ABCG2: variants seen among roughly 807,000 people sequenced by gnomAD.
ABCG2 encodes ATP binding cassette subfamily G member 2 (JR blood group).
ABCG2 carries 80 observed loss-of-function variants against 73.5 expected under a neutral mutation model. The ratio of observed to expected loss-of-function variants is 1.09; its 90% confidence interval spans 0.91 to 1.31. The LOEUF (loss-of-function observed/expected upper bound fraction) is 1.31. Among genes scored for constraint, ABCG2 ranks in the 50% most tolerant of loss-of-function variants. The pLI is 0.00. For synonymous variants in ABCG2, 269 were observed against 282.4 expected (o/e 0.95, Z 0.48); for missense variants, 796 against 786.2 (o/e 1.01, Z -0.15).
At chr4:88,096,915 G>C (rs563531614) in intron 13 of ABCG2, among the ~76,000 whole-genome samples, 2 of 152,206 alleles carry the variant, frequency 1.3e-5, no homozygotes, top group South Asian at 2.1e-4. Flanking sequence ...ACTCTGTTCT[G>C]CTTCTTATGA....
At chr4:88,229,197 G>A (rs1730355206) in intron 1 of ABCG2, among the ~76,000 whole-genome samples, 1 of 152,208 alleles carries the variant, frequency 6.6e-6, no homozygotes, top group Admixed American at 6.5e-5. Flanking sequence ...CTTGAAGTCA[G>A]CGAGACCAAG....
At chr4:88,163,103 T>G (rs1375705808), upstream of ABCG2, among the ~76,000 whole-genome samples, 1 of 152,170 alleles carries the variant, frequency 6.6e-6, no homozygotes, top group Non-Finnish European at 1.5e-5. Flanking sequence ...ATATAACAGA[T>G]GTATTCAGTC....
chr4:88,124,344 C>T (rs1033596348), intron 5 of ABCG2, among the ~76,000 whole-genome samples: 3 of 152,076 alleles, frequency 2.0e-5, no homozygotes, highest in African/African-American at 7.2e-5. Context: ...GGGCTAAATG[C>T]CCCAGTTAAA....
rs966440045 is a variant in ABCG2, at chr4:88,131,740, A to G, written c.378+63T>C. On this transcript the variant is annotated intron_variant, in intron 4 of 15. Transcript: ENST00000237612. ...TCAACTGGAAGCACATTGAACTATC[A>G]GCCAAAGCACTTACCCATATAGAAA... is the stretch of plus-strand genomic sequence containing the variant. 3.4e-5 allele frequency: 41 copies of G among 1,197,164 alleles called. No individual in the cohort carries two copies. The Admixed American group carries it at 5.4e-4, about 16-fold the overall frequency. The allele number at this position is 1,197,164 out of a possible 1,614,324, so 74.2% of individuals were successfully genotyped here.
chr4:88,207,759 A>G (rs1729435870), intron 1 of ABCG2, among the ~76,000 whole-genome samples: 1 of 152,074 alleles, frequency 6.6e-6, no homozygotes, highest in Non-Finnish European at 1.5e-5. Flanking sequence ...TATGCAGGCT[A>G]GTCTCGAACT....
chr4:88,145,754 A>C (rs899345167), intron 1 of ABCG2, among the ~76,000 whole-genome samples: 1 of 152,156 alleles, frequency 6.6e-6, no homozygotes, highest in Non-Finnish European at 1.5e-5. Context: ...ACCCTGGCCA[A>C]CATGGTGAAA....
rs1725506214 is a variant in ABCG2 at position 88,139,888 on chromosome 4, C to T, written c.108G>A (p.Val36=). 1 of 1,614,034 alleles carries T rather than the reference C, an allele frequency of 6.2e-7. No individual in the cohort carries two copies. Among genetic ancestry groups the T allele is most frequent in the African/African-American group, 1.3e-5 (1 of 74,930 alleles). The change falls in exon 2 of 16, where the codon GTG becomes GTA. Residue 36 remains valine (V), a synonymous_variant. Coordinates refer to ENST00000237612, the MANE Select transcript of ABCG2 (RefSeq NM_004827.3). ...NDLKAFTEGA[V]LSFHNICYRV... ...GATAGCAGATGTTATGAAAACTTAA[C>T]ACAGCTCCTTCAGTAAATGCCTTCA...
chr4:88,183,390 C>T (rs1471978466), intron 1 of ABCG2, among the ~76,000 whole-genome samples: 1 of 151,918 alleles, frequency 6.6e-6, no homozygotes, highest in Non-Finnish European at 1.5e-5. Context: ...AAAGGAGACA[C>T]AACAACTGAT....
intron 1 of ABCG2, among the ~76,000 whole-genome samples, chr4:88,192,036 G>T (rs1178147427): frequency 6.6e-6 from 1 of 152,056 alleles, no homozygotes; most frequent in Non-Finnish European, 1.5e-5. Flanking sequence ...GCTAGGCATG[G>T]TGGCGCATGC....
intron 1 of ABCG2, among the ~76,000 whole-genome samples, chr4:88,229,111 T>C (rs1578295180): frequency 6.6e-6 from 1 of 152,314 alleles, no homozygotes; most frequent in Middle Eastern, 3.4e-3. Context: ...ATAATAAATC[T>C]TGCTGCTGCT....
chr4:88,131,202 C>T lies in ABCG2; in HGVS notation c.390G>A (p.Val130=), dbSNP rs1052454710. 6.2e-7 allele frequency: 1 copy of T among 1,614,004 alleles called. No homozygotes were observed. Residue 130 remains valine, a synonymous_variant, in exon 5 of 16, where the codon GTG becomes GTA. Transcript: ENST00000237612. The stretch of plus-strand genomic sequence containing the variant: ...TTTCTCTCACCGTCAGAGTGCCCAT[C>T]ACAACATCATCCTTAAGGCAAATAG... ...NSGYVVQDDV[V]MGTLTVRENL...
At chr4:88,195,624 G>C (rs1294514296) in intron 1 of ABCG2, among the ~76,000 whole-genome samples, 4 of 152,204 alleles carry the variant, frequency 2.6e-5, no homozygotes, top group African/African-American at 9.7e-5. Context: ...CTTTAGGGCA[G>C]TAATGAAAGG....
At chr4:88,149,717 A>G (rs1252452449) in intron 1 of ABCG2, among the ~76,000 whole-genome samples, 1 of 152,072 alleles carries the variant, frequency 6.6e-6, no homozygotes, top group Admixed American at 6.6e-5. Flanking sequence ...TGGGCATGGT[A>G]GCGCATGCCT....
chr4:88,197,598 C>A (rs1231972457), intron 1 of ABCG2, among the ~76,000 whole-genome samples: 1 of 151,838 alleles, frequency 6.6e-6, no homozygotes, highest in Non-Finnish European at 1.5e-5. Flanking sequence ...GCCTGAGCAA[C>A]AAAGTAAGAC....
intron 1 of ABCG2, among the ~76,000 whole-genome samples, chr4:88,143,512 G>A (rs573227105): frequency 6.6e-6 from 1 of 152,182 alleles, no homozygotes; most frequent in Non-Finnish European, 1.5e-5. Context: ...TAGAGCTAAA[G>A]TACCCAAGAA....
At position 88,222,113 on chromosome 4, in the gene ABCG2, C is replaced by T. The variant is rs142374443; in HGVS notation, c.-20+8881G>A. The stretch of plus-strand genomic sequence containing the variant: ...CTCCATCTGTGGCTAAAGGGGCCAA[C>T]GTATAGCTCAGGCCATTGCCTCAGT... On this transcript the variant is annotated intron_variant, in intron 1 of 15. Transcript: ENST00000515655. 4.8e-3 allele frequency among the ~76,000 whole-genome samples: 731 copies of T among 152,318 alleles called. 7 individuals carry two copies. Among genetic ancestry groups the T allele is most frequent in the African/African-American group, 0.017 (695 of 41,566 alleles).
chr4:88,174,968 C>T (rs1387943972), intron 1 of ABCG2, among the ~76,000 whole-genome samples: 1 of 152,136 alleles, frequency 6.6e-6, no homozygotes, highest in African/African-American at 2.4e-5. Flanking sequence ...TTTCCCAGCA[C>T]CATTTATTAA....
At chr4:88,111,936 A>C (rs1723159388) in intron 9 of ABCG2, among the ~76,000 whole-genome samples, 1 of 152,050 alleles carries the variant, frequency 6.6e-6, no homozygotes, top group East Asian at 1.9e-4. Context: ...AAAATTAAAA[A>C]ATCAGCCAGG....
At chr4:88,205,871 T>C (rs913281967) in intron 1 of ABCG2, among the ~76,000 whole-genome samples, 1 of 152,080 alleles carries the variant, frequency 6.6e-6, no homozygotes, top group Non-Finnish European at 1.5e-5. Context: ...TTAGTAGAGA[T>C]GGGGTTTCCC....
Sources: allele counts gnomAD v4.1 joint callset (sites outside exome capture counted in the v4.1 genomes callset), GRCh38; gene constraint gnomAD v4.1.1; transcripts MANE v1.5; gene names NCBI Gene and HGNC (gene_info 2026-07-23, HGNC 2026-07-21).